The following MSRA variants were observed in gnomAD, a reference collection of about 807,000 sequenced individuals.
MSRA encodes mitochondrial peptide methionine sulfoxide reductase.
In MSRA, 54 loss-of-function variants were observed where a neutral mutation model predicts 31.3. That is an observed-to-expected ratio of 1.73 (90% CI 1.39 to 2.17). The LOEUF is 2.17. MSRA is among the 30% of genes most tolerant of loss of function. The pLI is 0.00. For missense variants in MSRA, 507 were observed against 300.9 expected (o/e 1.69, Z -5.07); for synonymous variants, 169 against 116.5 (o/e 1.45, Z -2.90).
intron 1 of MSRA, among the ~76,000 whole-genome samples, chr8:10,195,448 C>T (rs536615902): frequency 3.9e-4 from 59 of 152,230 alleles, no homozygotes; most frequent in African/African-American, 1.3e-3. Context: ...CCCATGTTGC[C>T]CAGGGTGGTC....
chr8:10,355,482 C>G (rs1013133067), intron 5 of MSRA, among the ~76,000 whole-genome samples: 1 of 152,096 alleles, frequency 6.6e-6, no homozygotes, highest in Non-Finnish European at 1.5e-5. Flanking sequence ...TTCTGAGACA[C>G]GTGTAAGGAA....
intron 5 of MSRA, among the ~76,000 whole-genome samples, chr8:10,335,199 A>C (rs1342577987): frequency 1.3e-5 from 2 of 150,704 alleles, no homozygotes; most frequent in Non-Finnish European, 2.9e-5. Context: ...AGCAAGGCTC[A>C]TAAGGGAAAG....
At chr8:10,196,549 T>G (rs10096931) in intron 1 of MSRA, among the ~76,000 whole-genome samples, 15,463 of 151,814 alleles carry the variant, frequency 0.1, 1,833 homozygotes, top group African/African-American at 0.29. Context: ...AAAAATGTAT[T>G]TATTTATTTT....
At chr8:10,177,382 A>T (rs890159282) in intron 1 of MSRA, among the ~76,000 whole-genome samples, 2 of 152,228 alleles carry the variant, frequency 1.3e-5, no homozygotes, top group Non-Finnish European at 2.9e-5. Flanking sequence ...TTGAATCAAG[A>T]TGCTTATGGT....
intron 5 of MSRA, among the ~76,000 whole-genome samples, chr8:10,369,783 A>G (rs891367216): frequency 1.3e-5 from 2 of 152,212 alleles, no homozygotes; most frequent in Non-Finnish European, 2.9e-5. Flanking sequence ...TCCAAAAAAT[A>G]CTCTTTAAAA....
chr8:10,416,430 G>T (rs1364519998), intron 5 of MSRA, among the ~76,000 whole-genome samples: 1 of 152,236 alleles, frequency 6.6e-6, no homozygotes, highest in Admixed American at 6.5e-5. Flanking sequence ...CCATCGGGCC[G>T]TGGTGCTCCC....
chr8:10,347,942 C>T (rs548162349), intron 5 of MSRA, among the ~76,000 whole-genome samples: 64 of 152,364 alleles, frequency 4.2e-4, no homozygotes, highest in African/African-American at 1.4e-3. Flanking sequence ...CAGATGTCTT[C>T]TTTCCCTTAC....
chr8:10,316,579 C>T (rs1429036285), intron 4 of MSRA, among the ~76,000 whole-genome samples: 2 of 141,926 alleles, frequency 1.4e-5, no homozygotes, highest in Non-Finnish European at 3.1e-5. Context: ...TCTCTCCTTC[C>T]TCCTCCTCTT....
chr8:10,074,541 A>T (rs972068719), intron 1 of MSRA, among the ~76,000 whole-genome samples: 2 of 152,212 alleles, frequency 1.3e-5, no homozygotes, highest in Non-Finnish European at 2.9e-5. Context: ...TTTATTGATT[A>T]TTAATTGATA....
At chr8:10,355,994 C>T (rs900197052) in intron 5 of MSRA, among the ~76,000 whole-genome samples, 1 of 152,142 alleles carries the variant, frequency 6.6e-6, no homozygotes, top group East Asian at 1.9e-4. Context: ...AGCCCAGGTC[C>T]TACGTGGTAC....
chr8:10,207,676 G>A (rs1261866378), intron 1 of MSRA, among the ~76,000 whole-genome samples, 157 bp from the exon 2 acceptor site: 1 of 152,158 alleles, frequency 6.6e-6, no homozygotes, highest in Admixed American at 6.5e-5. Flanking sequence ...CTGCAATGGA[G>A]ATGAAAAACA....
chr8:10,405,406 C>T (rs1022473581), intron 5 of MSRA, among the ~76,000 whole-genome samples: 1 of 152,190 alleles, frequency 6.6e-6, no homozygotes, highest in Non-Finnish European at 1.5e-5. Flanking sequence ...GCGAGATGGT[C>T]GCCAAGTCAC....
chr8:10,394,216 G>A (rs1171767597), intron 5 of MSRA, among the ~76,000 whole-genome samples: 1 of 152,086 alleles, frequency 6.6e-6, no homozygotes, highest in Non-Finnish European at 1.5e-5. Flanking sequence ...TGTTTTTATT[G>A]TAGCGAAACC....
intron 5 of MSRA, among the ~76,000 whole-genome samples, chr8:10,348,043 T>C (rs779765789): frequency 2.6e-5 from 4 of 152,248 alleles, no homozygotes; most frequent in Admixed American, 6.5e-5. Flanking sequence ...AAATGAATGA[T>C]GCAGCTGGTC....
chr8:10,166,647 G>A (rs1805151692), intron 1 of MSRA, among the ~76,000 whole-genome samples: 1 of 152,114 alleles, frequency 6.6e-6, no homozygotes, highest in Non-Finnish European at 1.5e-5. Flanking sequence ...TGTGGGCTGG[G>A]GATCTGCATT....
At chr8:10,367,353 A>C (rs1466392522) in intron 5 of MSRA, among the ~76,000 whole-genome samples, 2 of 152,202 alleles carry the variant, frequency 1.3e-5, no homozygotes, top group African/African-American at 4.8e-5. Flanking sequence ...ATAATCTCTT[A>C]CTGTGCCTAA....
intron 3 of MSRA, among the ~76,000 whole-genome samples, chr8:10,252,484 T>G (rs1366890700): frequency 6.6e-6 from 1 of 152,194 alleles, no homozygotes; most frequent in Non-Finnish European, 1.5e-5. Flanking sequence ...ATGCTTTAAG[T>G]CCTGTCTGCG....
intron 4 of MSRA, among the ~76,000 whole-genome samples, chr8:10,316,584 CCTCTT>C (rs1455629450): frequency 2.8e-5 from 4 of 142,118 alleles, no homozygotes; most frequent in Non-Finnish European, 6.2e-5. Flanking sequence ...CCTTCCTCCT[CCTCTT>C]CTCCCCCTCC....
At chr8:10,141,503 G>A (rs753471002) in intron 1 of MSRA, among the ~76,000 whole-genome samples, 29 of 152,156 alleles carry the variant, frequency 1.9e-4, no homozygotes, top group Non-Finnish European at 3.8e-4. Context: ...CTAGAAGTGC[G>A]GGGATAGTTA....
Sources: allele counts gnomAD v4.1 joint callset (sites outside exome capture counted in the v4.1 genomes callset), GRCh38; gene constraint gnomAD v4.1.1; transcripts MANE v1.5; gene names NCBI Gene and HGNC (gene_info 2026-07-23, HGNC 2026-07-21).